The following CPED1 variants were observed in gnomAD, a reference collection of about 807,000 sequenced individuals.
The protein encoded by CPED1 is cadherin like and PC-esterase domain containing 1.
In CPED1, 114 loss-of-function variants were observed where a neutral mutation model predicts 128.2. The ratio of observed to expected loss-of-function variants is 0.89; its 90% CI spans 0.76 to 1.04. CPED1 has a LOEUF of 1.04. CPED1 is among the 50% of genes least tolerant of loss of function. The pLI is 0.00. For missense variants in CPED1, 1,211 were observed against 1,207.1 expected (o/e 1.00, Z -0.05); for synonymous variants, 462 against 426.7 (o/e 1.08, Z -1.02).
At chr7:121,201,146 A>G (rs1745991206) in intron 16 of CPED1, among the ~76,000 whole-genome samples, 1 of 152,160 alleles carries the variant, frequency 6.6e-6, no homozygotes, top group Non-Finnish European at 1.5e-5. Flanking sequence ...GTCAAGAACC[A>G]GAGCTTAGGG....
intron 5 of CPED1, among the ~76,000 whole-genome samples, chr7:121,073,088 T>C (rs536012838): frequency 3.3e-5 from 5 of 152,264 alleles, no homozygotes; most frequent in African/African-American, 7.2e-5. Context: ...CCCCCAGAAC[T>C]TAACTACTAA....
At chr7:121,109,183 A>C (rs892645287) in intron 7 of CPED1, among the ~76,000 whole-genome samples, 1 of 152,154 alleles carries the variant, frequency 6.6e-6, no homozygotes, top group Non-Finnish European at 1.5e-5. Flanking sequence ...AGGCAGCAGA[A>C]ATGGATTCTC....
At chr7:121,123,976 G>T (rs1419778923) in intron 7 of CPED1, among the ~76,000 whole-genome samples, 1 of 152,034 alleles carries the variant, frequency 6.6e-6, no homozygotes, top group Non-Finnish European at 1.5e-5. Flanking sequence ...ATTTAAAGAG[G>T]ACACAAAGAT....
intron 2 of CPED1, among the ~76,000 whole-genome samples, chr7:120,996,986 C>G (rs1044165886): frequency 6.6e-6 from 1 of 152,222 alleles, no homozygotes; most frequent in Admixed American, 6.5e-5. Flanking sequence ...TATCTCTACC[C>G]TGTCTCTATG....
chr7:121,292,602 GT>G (rs1792731469), intron 22 of CPED1, among the ~76,000 whole-genome samples: 1 of 152,000 alleles, frequency 6.6e-6, no homozygotes, highest in African/African-American at 2.4e-5. Flanking sequence ...AGGCATTCTG[GT>G]TTTTGGAATT....
At chr7:121,081,207 T>G (rs780867078) in intron 5 of CPED1, among the ~76,000 whole-genome samples, 31 of 152,312 alleles carry the variant, frequency 2.0e-4, no homozygotes, top group Non-Finnish European at 2.9e-4. Flanking sequence ...AATATATTGA[T>G]AAAGACTCAA....
At chr7:121,275,142 G>A (rs1275477127) in intron 22 of CPED1, among the ~76,000 whole-genome samples, 1 of 151,820 alleles carries the variant, frequency 6.6e-6, no homozygotes, top group Admixed American at 6.6e-5. Flanking sequence ...TTTTTTCTTT[G>A]GTTTGTGGTT....
At chr7:121,117,100 A>ATATATATATATATATATATATAT (rs1450957943) in intron 7 of CPED1, among the ~76,000 whole-genome samples, 5 of 70,646 alleles carry the variant, frequency 7.1e-5, no homozygotes, top group Admixed American at 1.5e-4. Flanking sequence ...TATATATATA[A>ATATATATATATATATATATATAT]ATATATATAT....
chr7:120,998,653 G>A (rs1276044745), intron 2 of CPED1, among the ~76,000 whole-genome samples: 4 of 152,126 alleles, frequency 2.6e-5, no homozygotes, highest in Non-Finnish European at 5.9e-5. Flanking sequence ...TGTCTGAGAT[G>A]AAAGCTTTGT....
intron 13 of CPED1, among the ~76,000 whole-genome samples, chr7:121,135,440 G>A (rs943760341): frequency 6.6e-6 from 1 of 151,984 alleles, no homozygotes; most frequent in Admixed American, 6.6e-5. Flanking sequence ...GAGACCCAGC[G>A]ATTTGTCTTT....
intron 2 of CPED1, among the ~76,000 whole-genome samples, chr7:120,995,912 T>C (rs773692332): frequency 1.4e-4 from 13 of 91,962 alleles, no homozygotes; most frequent in Non-Finnish European, 2.4e-4. Context: ...TTCTTCTTCT[T>C]CTCCTTCTCC....
chr7:121,165,700 A>AGT (rs1217960159), intron 16 of CPED1, among the ~76,000 whole-genome samples: 12 of 152,260 alleles, frequency 7.9e-5, no homozygotes, highest in South Asian at 2.1e-4. Context: ...AACCACCACT[A>AGT]AGTCTGAAGT....
intron 7 of CPED1, among the ~76,000 whole-genome samples, chr7:121,102,367 ATGT>A (rs1260837539): frequency 6.6e-6 from 1 of 152,110 alleles, no homozygotes; most frequent in African/African-American, 2.4e-5. Context: ...AGCTAGTATG[ATGT>A]TTGGGGAAGG....
At chr7:120,994,656 TG>T (rs200241117) in intron 2 of CPED1, among the ~76,000 whole-genome samples, 2 of 95,368 alleles carry the variant, frequency 2.1e-5, no homozygotes, top group African/African-American at 4.3e-5. Flanking sequence ...TGTGTGTGTG[TG>T]TGTTGTTGTT....
At chr7:121,034,371 C>T (rs187715523) in intron 3 of CPED1, among the ~76,000 whole-genome samples, 66 of 151,446 alleles carry the variant, frequency 4.4e-4, no homozygotes, top group African/African-American at 1.3e-3. Flanking sequence ...CTTCAGCCTC[C>T]AGAGTAGCTG....
intron 22 of CPED1, among the ~76,000 whole-genome samples, chr7:121,277,750 A>G (rs1425823471): frequency 6.6e-6 from 1 of 152,142 alleles, no homozygotes; most frequent in Admixed American, 6.6e-5. Flanking sequence ...TTTAACTTCC[A>G]AAAAGAAAAG....
chr7:121,080,700 A>G (rs1446013195), intron 5 of CPED1, among the ~76,000 whole-genome samples: 1 of 117,922 alleles, frequency 8.5e-6, no homozygotes, highest in African/African-American at 3.2e-5. Flanking sequence ...CATTTTAAAA[A>G]CCTTCATTTT....
intron 2 of CPED1, among the ~76,000 whole-genome samples, chr7:121,012,060 G>C (rs1792174250): frequency 6.6e-6 from 1 of 152,174 alleles, no homozygotes; most frequent in South Asian, 2.1e-4. Flanking sequence ...GATGTGTGTA[G>C]ATTAATTAAT....
intron 10 of CPED1, 65 bp downstream of exon 10, chr7:121,127,322 C>T: frequency 1.0e-6 from 1 of 997,246 alleles, no homozygotes; most frequent in Non-Finnish European, 1.5e-6. Flanking sequence ...TGTCATTCTC[C>T]TTATTCTGCA....
Sources: gnomAD v4.1 joint callset for allele counts (sites outside exome capture counted in the v4.1 genomes callset) on GRCh38, gnomAD v4.1.1 for gene constraint, MANE v1.5 for transcripts, NCBI Gene and HGNC (gene_info 2026-07-23, HGNC 2026-07-21) for gene names.